ZDHHC21: variants seen among roughly 807,000 people sequenced by gnomAD.
ZDHHC21 encodes zDHHC palmitoyltransferase 21.
Under a neutral mutation model 34.6 loss-of-function variants are expected in ZDHHC21, and 15 were observed. The observed-to-expected ratio is 0.43, with a 90% CI of 0.29 to 0.67. ZDHHC21 has a LOEUF of 0.67. Among genes scored for constraint, ZDHHC21 ranks in the 30% least tolerant of loss-of-function variants. The pLI, the probability that ZDHHC21 is intolerant of heterozygous loss-of-function variation, is 0.14. For synonymous variants in ZDHHC21, 142 were observed against 101.8 expected, an observed-to-expected ratio of 1.40 and a Z score of -2.38; for missense variants, 344 against 327.7, an observed-to-expected ratio of 1.05 and a Z score of -0.38.
intron 2 of ZDHHC21, among the ~76,000 whole-genome samples, chr9:14,687,014 C>T (rs903299656): frequency 1.3e-5 from 2 of 150,302 alleles, no homozygotes; most frequent in African/African-American, 5.0e-5. Flanking sequence ...GCTGCTACCC[C>T]AATGGCAAAT....
intron 5 of ZDHHC21, among the ~76,000 whole-genome samples, chr9:14,669,510 C>T (rs993638321): frequency 1.1e-4 from 17 of 151,540 alleles, no homozygotes; most frequent in Non-Finnish European, 1.9e-4. Context: ...TGGGTATATA[C>T]CCAAAATGAC....
intron 5 of ZDHHC21, among the ~76,000 whole-genome samples, chr9:14,667,474 G>C (rs1247358096): frequency 6.6e-6 from 1 of 150,708 alleles, no homozygotes; most frequent in Admixed American, 6.6e-5. Flanking sequence ...AATAGAAAAA[G>C]AGGGAATCCT....
intron 5 of ZDHHC21, among the ~76,000 whole-genome samples, chr9:14,664,213 G>C (rs1009290543): frequency 6.6e-6 from 1 of 152,192 alleles, no homozygotes; most frequent in African/African-American, 2.4e-5. Flanking sequence ...CAAGGGGTCA[G>C]GGAGTTCCCT....
intron 2 of ZDHHC21, among the ~76,000 whole-genome samples, chr9:14,680,803 G>A (rs1434631947): frequency 6.6e-6 from 1 of 152,118 alleles, no homozygotes; most frequent in African/African-American, 2.4e-5. Flanking sequence ...AAACAGACAA[G>A]ACCAGTAAGA....
At chr9:14,629,103 CCT>C (rs1439893672) in intron 8 of ZDHHC21, among the ~76,000 whole-genome samples, 2 of 152,076 alleles carry the variant, frequency 1.3e-5, no homozygotes. Flanking sequence ...TAGAATATAT[CCT>C]CTCTCTTGCT....
At chr9:14,670,039 C>A (rs10810210) in intron 5 of ZDHHC21, among the ~76,000 whole-genome samples, 2 of 151,228 alleles carry the variant, frequency 1.3e-5, no homozygotes, top group South Asian at 4.2e-4. Flanking sequence ...ACAAAACAAA[C>A]AAACAAAAAA....
At chr9:14,605,106 C>A in the ZDHHC21 span, among the ~76,000 whole-genome samples, 3 of 152,072 alleles carry the variant, frequency 2.0e-5, no homozygotes, top group Non-Finnish European at 4.4e-5. Context: ...ATTCATTCAA[C>A]CATCAATGGG....
chr9:14,691,283 G>C (rs1839111770), intron 1 of ZDHHC21, among the ~76,000 whole-genome samples: 1 of 152,120 alleles, frequency 6.6e-6, no homozygotes, highest in African/African-American at 2.4e-5. Flanking sequence ...TCAACCCAAA[G>C]AGGTTTTCGG....
chr9:14,685,196 G>C (rs1416130487), intron 2 of ZDHHC21, among the ~76,000 whole-genome samples: 1 of 151,534 alleles, frequency 6.6e-6, no homozygotes, highest in Non-Finnish European at 1.5e-5. Context: ...AGCCAAAATT[G>C]ACAAACGGGA....
At chr9:14,681,194 T>C (rs748545027) in intron 2 of ZDHHC21, among the ~76,000 whole-genome samples, 7 of 152,186 alleles carry the variant, frequency 4.6e-5, no homozygotes, top group Non-Finnish European at 1.0e-4. Flanking sequence ...CCTTACTACA[T>C]ATGACACGTG....
intron 7 of ZDHHC21, among the ~76,000 whole-genome samples, chr9:14,650,685 C>A (rs574836173): frequency 6.6e-6 from 1 of 151,916 alleles, no homozygotes; most frequent in African/African-American, 2.4e-5. Context: ...AGCCAAAAGG[C>A]TAGGCAAATA....
At chr9:14,658,412 T>C (rs1287625069) in intron 7 of ZDHHC21, among the ~76,000 whole-genome samples, 1 of 139,832 alleles carries the variant, frequency 7.2e-6, no homozygotes, top group East Asian at 1.9e-4. Flanking sequence ...AGGAACCACA[T>C]GTTAATAATT....
chr9:14,589,867 C>T, the ZDHHC21 span: 1 of 152,172 alleles, frequency 6.6e-6, no homozygotes, highest in Non-Finnish European at 1.5e-5. Context: ...AGTGCAAAAG[C>T]AGTCACTCCA....
At chr9:14,623,255 G>C (rs989275843) in intron 8 of ZDHHC21, among the ~76,000 whole-genome samples, 1 of 152,126 alleles carries the variant, frequency 6.6e-6, no homozygotes, top group African/African-American at 2.4e-5. Context: ...GCTCACGCCA[G>C]TAATTACAGG....
At position 14,635,595 on chromosome 9, in the gene ZDHHC21, T is replaced by C. The variant is rs184277225; in HGVS notation, c.621+4301A>G. Among the ~76,000 whole-genome samples the C allele has an allele frequency of 1.3e-4, 20 of 152,224 alleles. No homozygotes were observed. The East Asian group carries it at 3.3e-3, about 25-fold the overall frequency. ...CTATTTCCAGCAAAATTATCCTTCATAAATAAAGGAAAAAGGCACGTGATA... is the reference window on the plus strand; with the variant it reads ...CTATTTCCAGCAAAATTATCCTTCACAAATAAAGGAAAAAGGCACGTGATA... On this transcript the variant is annotated intron_variant, in intron 8 of 9. Coordinates refer to ENST00000380916, the MANE Select transcript of ZDHHC21 (RefSeq NM_178566.6).
intron 9 of ZDHHC21, 96 bp downstream of exon 9, chr9:14,619,543 C>T: frequency 9.8e-7 from 1 of 1,024,500 alleles, no homozygotes; most frequent in Non-Finnish European, 1.4e-6. Context: ...AAAAAGCCAT[C>T]ATTATATTAT....
At chr9:14,596,478 G>T in the ZDHHC21 span, among the ~76,000 whole-genome samples, 1 of 152,208 alleles carries the variant, frequency 6.6e-6, no homozygotes, top group Non-Finnish European at 1.5e-5. Flanking sequence ...CTGCTTGTGT[G>T]TGTTGTTGGC....
chr9:14,656,643 G>C (rs1832268126), intron 7 of ZDHHC21, among the ~76,000 whole-genome samples: 1 of 151,726 alleles, frequency 6.6e-6, no homozygotes, highest in African/African-American at 2.4e-5. Context: ...ATAAGACTTA[G>C]GCTAAGAGAA....
chr9:14,632,051 T>A (rs1827440264), intron 8 of ZDHHC21, among the ~76,000 whole-genome samples: 1 of 126,374 alleles, frequency 7.9e-6, no homozygotes, highest in Admixed American at 8.5e-5. Context: ...TTCAACTAGT[T>A]AAAACACACA....
Sources: allele counts gnomAD v4.1 joint callset (sites outside exome capture counted in the v4.1 genomes callset), GRCh38; gene constraint gnomAD v4.1.1; transcripts MANE v1.5; gene names NCBI Gene and HGNC (gene_info 2026-07-23, HGNC 2026-07-21).